RSPH14: variants seen among roughly 807,000 people sequenced by gnomAD.
The protein encoded by RSPH14 is radial spoke head 14 homolog.
A neutral mutation model predicts 26.7 loss-of-function variants in RSPH14; 20 were observed. The ratio of observed to expected loss-of-function variants is 0.75; its 90% CI spans 0.53 to 1.09. RSPH14 has a LOEUF of 1.09. Ranked by LOEUF, RSPH14 falls within the 50% of genes least tolerant of loss-of-function variation. The pLI is 0.00. For missense variants in RSPH14, 449 were observed against 457.2 expected (o/e 0.98, Z 0.16); for synonymous variants, 177 against 189.3 (o/e 0.93, Z 0.53).
chr22:23,093,475 C>T lies in RSPH14; in HGVS notation c.422-29342G>A, dbSNP rs948871794. ...CCCGCACTCTGGCTGGGGGTAGGGG[C>T]GACGGCAGCACACAAGGTCATGTAG... On this transcript the variant is annotated intron_variant, in intron 4 of 6. Coordinates refer to ENST00000216036, the MANE Select transcript of RSPH14 (RefSeq NM_014433.3). Among the ~76,000 whole-genome samples the T allele has an allele frequency of 3.9e-5, 6 of 152,130 alleles. No homozygotes were observed. The South Asian group carries it at 8.3e-4, about 21-fold the overall frequency.
At chr22:23,130,115 GAAA>G (rs1569192701) in intron 4 of RSPH14, among the ~76,000 whole-genome samples, 5 of 92,476 alleles carry the variant, frequency 5.4e-5, no homozygotes, top group Non-Finnish European at 1.2e-4. Context: ...AAGAAAGAAA[GAAA>G]GAAAGAAAGA....
chr22:23,082,628 A>C (rs1569164494), intron 4 of RSPH14, among the ~76,000 whole-genome samples: 1 of 152,148 alleles, frequency 6.6e-6, no homozygotes, highest in Non-Finnish European at 1.5e-5. Flanking sequence ...ACAGGGGCCA[A>C]GTATGAGGAG....
chr22:23,180,001 A>G, the RSPH14 span: 4 of 343,752 alleles, frequency 1.2e-5, no homozygotes, highest in African/African-American at 6.5e-5. Context: ...GGCCTCTGAC[A>G]CGACGACTGG....
intron 4 of RSPH14, chr22:23,131,534 A>G (rs553396388): frequency 3.0e-5 from 31 of 1,034,774 alleles, no homozygotes; most frequent in East Asian, 6.2e-5. Context: ...GTGGTATCCA[A>G]TGTTCCTTAT....
chr22:23,145,977 C>T (rs2070749436), upstream of RSPH14: 1 of 985,294 alleles, frequency 1.0e-6, no homozygotes, highest in Non-Finnish European at 1.2e-6. Context: ...CAGGAGACCC[C>T]TCCCCACTCT....
At chr22:23,115,859 A>G (rs1327692488) in intron 4 of RSPH14, among the ~76,000 whole-genome samples, 1 of 152,242 alleles carries the variant, frequency 6.6e-6, no homozygotes, top group Non-Finnish European at 1.5e-5. Flanking sequence ...AGAGTTACTC[A>G]TTCCTTCATC....
At chr22:23,156,956 C>T in the RSPH14 span, among the ~76,000 whole-genome samples, 4 of 152,180 alleles carry the variant, frequency 2.6e-5, no homozygotes, top group Admixed American at 6.5e-5. Context: ...TTGGGAGGGG[C>T]GTGGGTCTCC....
At chr22:23,176,306 T>C in the RSPH14 span, among the ~76,000 whole-genome samples, 32 of 152,226 alleles carry the variant, frequency 2.1e-4, no homozygotes, top group Non-Finnish European at 4.1e-4. Context: ...CTAGACTTGC[T>C]GGCTCCTTCC....
At chr22:23,081,805 G>C (rs1412562929) in intron 4 of RSPH14, among the ~76,000 whole-genome samples, 3 of 113,870 alleles carry the variant, frequency 2.6e-5, no homozygotes, top group Non-Finnish European at 5.0e-5. Flanking sequence ...CTGGGCAACA[G>C]AGTGAGATTC....
chr22:23,153,081 G>C, the RSPH14 span: 1 of 1,614,160 alleles, frequency 6.2e-7, no homozygotes, highest in Non-Finnish European at 8.5e-7. Flanking sequence ...CCATTGGGGT[G>C]GACTTTGAAA....
upstream of RSPH14, among the ~76,000 whole-genome samples, chr22:23,143,970 T>C (rs2070654058): frequency 6.6e-6 from 1 of 151,848 alleles, no homozygotes. Flanking sequence ...GGTGCGCACC[T>C]GTGGTCCCAG....
In RSPH14 at chr22:23,059,738, G is replaced by C. The variant is rs1202140944; in HGVS notation, c.791-20C>G. The C allele has an allele frequency of 1.3e-6, 2 of 1,506,300 alleles. No individual in the cohort carries two copies. The highest frequency in any genetic ancestry group is 2.8e-5 in the African/African-American group (2 of 71,730). 93.3% of individuals were successfully genotyped at this position (1,506,300 alleles called of 1,614,324 possible). A position where few individuals can be genotyped will look rare whatever the true frequency, so the allele number is the denominator to read the frequency against. ...ACTTCCCTGCAGGCCACCAACACAA[G>C]GCGTTCCAAACAGCCCAAGGGGCCC... is the stretch of plus-strand genomic sequence containing the variant. On this transcript the variant is annotated intron_variant, in intron 6 of 6. Coordinates refer to ENST00000216036, the MANE Select transcript of RSPH14 (RefSeq NM_014433.3).
rs116206985 is a variant in RSPH14 at position 23,092,898 on chromosome 22, A to G, written c.422-28765T>C. 5.8e-3 allele frequency among the ~76,000 whole-genome samples: 885 copies of G among 152,322 alleles called. 3 individuals are homozygous for G. Among genetic ancestry groups the G allele is most frequent in the African/African-American group, 0.02 (829 of 41,574 alleles). On this transcript the variant is annotated intron_variant, in intron 4 of 6. Coordinates refer to ENST00000216036, the MANE Select transcript of RSPH14 (RefSeq NM_014433.3). ...GTCATGACAACAGAGGACACCTCCC[A>G]CTGGGTTGGACACTGCCTTCTGAAA...
At chr22:23,162,598 A>G in the RSPH14 span, 1 of 454,762 alleles carries the variant, frequency 2.2e-6, no homozygotes, top group South Asian at 1.6e-5. Flanking sequence ...TACCCCACAC[A>G]TTCCCCAGCC....
At chr22:23,066,596 C>T (rs1195633784) in intron 4 of RSPH14, among the ~76,000 whole-genome samples, 1 of 152,166 alleles carries the variant, frequency 6.6e-6, no homozygotes, top group African/African-American at 2.4e-5. Context: ...TGCTCGTTCA[C>T]TTTGCTTCTT....
At position 23,129,591 on chromosome 22, in the gene RSPH14, G is replaced by GA. The variant is rs140618974; in HGVS notation, c.421+4434dup. Among the ~76,000 whole-genome samples, 95 of 151,634 alleles carry GA rather than the reference G, an allele frequency of 6.3e-4. 1 individual carries two copies. The East Asian group carries it at 0.015, about 23-fold the overall frequency. On this transcript the variant is annotated intron_variant, in intron 4 of 6. Coordinates refer to ENST00000216036, the MANE Select transcript of RSPH14 (RefSeq NM_014433.3). ...ACTCAAAAAAAAAAAAGGCCAGAGGGAAAAAAAATCATGAAATTGACTTCA... is the reference window on the plus strand; with the variant it reads ...ACTCAAAAAAAAAAAAGGCCAGAGGGAAAAAAAAATCATGAAATTGACTTCA...
At chr22:23,108,178 C>A (rs897960602) in intron 4 of RSPH14, among the ~76,000 whole-genome samples, 3 of 152,268 alleles carry the variant, frequency 2.0e-5, no homozygotes, top group African/African-American at 7.2e-5. Flanking sequence ...CTGTACACAG[C>A]TGCCACACCA....
chr22:23,158,184 G>A, the RSPH14 span: 20 of 1,498,138 alleles, frequency 1.3e-5, no homozygotes, highest in Middle Eastern at 2.3e-4. Context: ...AGCTGCCCAC[G>A]GACTACTTAC....
At chr22:23,102,443 C>A (rs988202566) in intron 4 of RSPH14, among the ~76,000 whole-genome samples, 4 of 152,268 alleles carry the variant, frequency 2.6e-5, no homozygotes, top group African/African-American at 9.6e-5. Flanking sequence ...CTGTCAAAAG[C>A]AGCTGCTCCT....
Sources: allele counts gnomAD v4.1 joint callset (sites outside exome capture counted in the v4.1 genomes callset), GRCh38; gene constraint gnomAD v4.1.1; transcripts MANE v1.5; gene names NCBI Gene and HGNC (gene_info 2026-07-23, HGNC 2026-07-21).